MECOM: variants seen among roughly 807,000 people sequenced by gnomAD.
The protein encoded by MECOM is histone-lysine N-methyltransferase MECOM.
In MECOM, 13 loss-of-function variants were observed where a neutral mutation model predicts 116.3. That is an observed-to-expected ratio of 0.11 (90% confidence interval 0.07 to 0.18). The LOEUF is 0.18. MECOM is among the 10% of genes least tolerant of loss of function. The pLI is 1.00. For synonymous variants in MECOM, 528 were observed against 535.2 expected (o/e 0.99, Z 0.19); for missense variants, 1,299 against 1,509.0 (o/e 0.86, Z 2.31).
At chr3:169,326,188 C>T (rs773782956) in intron 2 of MECOM, among the ~76,000 whole-genome samples, 2 of 151,694 alleles carry the variant, frequency 1.3e-5, no homozygotes, top group Non-Finnish European at 2.9e-5. Flanking sequence ...TGTTAAGGAT[C>T]CAGGGGACAG....
At chr3:169,535,650 T>TAAA (rs1759262066) in intron 1 of MECOM, among the ~76,000 whole-genome samples, 1 of 152,190 alleles carries the variant, frequency 6.6e-6, no homozygotes, top group East Asian at 1.9e-4. Context: ...ACCTGATATA[T>TAAA]GTTAACTTCT....
chr3:169,365,233 C>A (rs1450457143), intron 2 of MECOM, among the ~76,000 whole-genome samples: 1 of 152,004 alleles, frequency 6.6e-6, no homozygotes, highest in African/African-American at 2.4e-5. Context: ...CTCTAATTAA[C>A]ACATCAGCAA....
At chr3:169,332,273 G>T (rs1050798765) in intron 2 of MECOM, among the ~76,000 whole-genome samples, 1 of 152,032 alleles carries the variant, frequency 6.6e-6, no homozygotes, top group Non-Finnish European at 1.5e-5. Context: ...TCTTGGCCAA[G>T]AAAGTTGAAA....
At position 169,562,525 on chromosome 3, in the gene MECOM, G is replaced by T. The variant is rs137972146; in HGVS notation, c.37+100811C>A. 2.0e-5 allele frequency among the ~76,000 whole-genome samples: 3 copies of T among 152,222 alleles called. No individual in the cohort carries two copies. In the East Asian group the frequency reaches 5.8e-4, roughly 29 times the overall value. On this transcript the variant is annotated intron_variant, in intron 1 of 16. Transcript: ENST00000651503. ...CTCACCCTCAAAAAACTCCGACGCC[G>T]CAGTTTAAAGTGCTTCAGCTACGTG...
In MECOM at chr3:169,453,665, G is replaced by A. The variant is rs565345741; in HGVS notation, c.38-72141C>T. Among the ~76,000 whole-genome samples the A allele has an allele frequency of 4.9e-4, 74 of 152,288 alleles. 2 individuals are homozygous for A. In the South Asian group the frequency reaches 8.9e-3, roughly 18 times the overall value. On this transcript the variant is annotated intron_variant, in intron 1 of 16. Coordinates refer to ENST00000651503, the MANE Select transcript of MECOM (RefSeq NM_004991.4). ...ATATTATTAAGGAGTCTATAATGCC[G>A]AGGAAGCATATGGCAGGACACTGCA...
At chr3:169,368,097 T>A (rs561526810) in intron 2 of MECOM, among the ~76,000 whole-genome samples, 1 of 152,082 alleles carries the variant, frequency 6.6e-6, no homozygotes, top group African/African-American at 2.4e-5. Context: ...CTCTTTATAT[T>A]ATTCCTTGTT....
At chr3:169,210,716 T>G (rs372618015) in intron 2 of MECOM, among the ~76,000 whole-genome samples, 2 of 152,172 alleles carry the variant, frequency 1.3e-5, no homozygotes, top group Non-Finnish European at 2.9e-5. Flanking sequence ...CTAATTGAGA[T>G]AGAGAGCAGT....
chr3:169,330,433 A>C (rs952577802), intron 2 of MECOM, among the ~76,000 whole-genome samples: 4 of 152,222 alleles, frequency 2.6e-5, no homozygotes, highest in Non-Finnish European at 4.4e-5. Flanking sequence ...TATTATTTGA[A>C]AACATAATGA....
chr3:169,237,902 C>T (rs1344187396), intron 2 of MECOM, among the ~76,000 whole-genome samples: 5 of 151,954 alleles, frequency 3.3e-5, no homozygotes, highest in African/African-American at 1.2e-4. Flanking sequence ...TTGGTGCAGG[C>T]AGGTTGGCTC....
intron 2 of MECOM, among the ~76,000 whole-genome samples, chr3:169,275,165 A>C (rs1295646598): frequency 2.0e-5 from 3 of 152,178 alleles, no homozygotes; most frequent in African/African-American, 7.2e-5. Flanking sequence ...TTATATGGAG[A>C]AATGCTTACC....
intron 2 of MECOM, among the ~76,000 whole-genome samples, chr3:169,156,552 C>T (rs1172628015): frequency 3.9e-5 from 6 of 152,108 alleles, no homozygotes; most frequent in African/African-American, 1.4e-4. Context: ...CTATAAAGAT[C>T]ACAAAGAAAG....
intron 1 of MECOM, among the ~76,000 whole-genome samples, chr3:169,632,838 A>G (rs1475879448): frequency 1.3e-5 from 2 of 152,222 alleles, no homozygotes; most frequent in Admixed American, 1.3e-4. Flanking sequence ...GTTGTAAATC[A>G]AAAGGAAAAG....
At chr3:169,605,683 A>T (rs1041904799) in intron 1 of MECOM, among the ~76,000 whole-genome samples, 1 of 152,178 alleles carries the variant, frequency 6.6e-6, no homozygotes, top group African/African-American at 2.4e-5. Flanking sequence ...CTAAGAACCT[A>T]TCTAGGTTGC....
intron 2 of MECOM, among the ~76,000 whole-genome samples, chr3:169,288,276 GA>G (rs1287941242): frequency 3.3e-5 from 5 of 151,614 alleles, no homozygotes; most frequent in African/African-American, 9.7e-5. Context: ...AAAACCTGGG[GA>G]ATAGGCAAGA....
At chr3:169,520,438 T>C (rs1190379350) in intron 1 of MECOM, among the ~76,000 whole-genome samples, 1 of 152,200 alleles carries the variant, frequency 6.6e-6, no homozygotes, top group East Asian at 1.9e-4. Flanking sequence ...TCCGCCATTT[T>C]CTTGAGCCAC....
chr3:169,175,690 T>A (rs879828066), intron 2 of MECOM, among the ~76,000 whole-genome samples: 3 of 152,214 alleles, frequency 2.0e-5, no homozygotes, highest in Admixed American at 2.0e-4. Context: ...AGTTCTGTGC[T>A]CTTGTGCTAT....
At chr3:169,097,093 C>G (rs1721743511) in intron 12 of MECOM, among the ~76,000 whole-genome samples, 1 of 151,960 alleles carries the variant, frequency 6.6e-6, no homozygotes, top group Non-Finnish European at 1.5e-5. Flanking sequence ...AGCAGAATAA[C>G]CTAGAAAACC....
chr3:169,159,919 C>T (rs189757178), intron 2 of MECOM, among the ~76,000 whole-genome samples: 62 of 152,122 alleles, frequency 4.1e-4, no homozygotes, highest in Admixed American at 1.8e-3. Context: ...TGAGGTAATC[C>T]ATGCACAGCA....
intron 2 of MECOM, among the ~76,000 whole-genome samples, chr3:169,351,920 G>A (rs139942562): frequency 0.012 from 1,886 of 151,786 alleles, 37 homozygotes; most frequent in African/African-American, 0.043. Context: ...ACCTAATTAG[G>A]AACTTAATTT....
Sources: gnomAD v4.1 joint callset for allele counts (sites outside exome capture counted in the v4.1 genomes callset) on GRCh38, gnomAD v4.1.1 for gene constraint, MANE v1.5 for transcripts, NCBI Gene and HGNC (gene_info 2026-07-23, HGNC 2026-07-21) for gene names.